The following P2RY8 variants were observed in gnomAD, a reference collection of about 807,000 sequenced individuals.
P2RY8 encodes the protein P2Y receptor family member 8.
Under a neutral mutation model 10.0 loss-of-function variants are expected in P2RY8, and 6 were observed. The observed-to-expected ratio is 0.60, with a 90% CI of 0.33 to 1.19. The LOEUF is 1.19. Among genes scored for constraint, P2RY8 ranks in the 50% most tolerant of loss-of-function variants. P2RY8 has a pLI of 0.04. For missense variants in P2RY8, 456 were observed against 542.0 expected (o/e 0.84, Z 1.58); for synonymous variants, 276 against 252.5 (o/e 1.09, Z -0.88).
At chrX:1,523,446 G>A (rs1298928889) in intron 1 of P2RY8, among the ~76,000 whole-genome samples, 1 of 152,106 alleles carries the variant, frequency 6.6e-6, no homozygotes, top group African/African-American at 2.4e-5. Flanking sequence ...GAATTTTTGA[G>A]GTTCATCCAT....
chrX:1,517,308 G>A (rs2092358786), intron 1 of P2RY8, among the ~76,000 whole-genome samples: 1 of 152,096 alleles, frequency 6.6e-6, no homozygotes, highest in African/African-American at 2.4e-5. Flanking sequence ...TACAAGCCCA[G>A]GAGAGAGGCC....
chrX:1,466,098 G>C lies in P2RY8; in HGVS notation c.461C>G (p.Ala154Gly). 1 of 1,611,648 alleles carries C rather than the reference G, an allele frequency of 6.2e-7. No homozygotes were observed. The highest frequency in any genetic ancestry group is 1.1e-5 in the South Asian group (1 of 90,982). ...ATCGGTGCGCGCCAGCGGGGACAGG[G>C]CGGTCAGGAGCAGCAGCCAGGTCCC... ...CAGTWLLLLT[A>G]LSPLARTDLT... Residue 154 changes from alanine (A) to glycine (G), a missense_variant, in exon 2 of 2, where the codon GCC (alanine) becomes GGC (glycine). Transcript: ENST00000381297.
intron 1 of P2RY8, among the ~76,000 whole-genome samples, chrX:1,504,042 A>C (rs1294009343): frequency 6.7e-6 from 1 of 149,368 alleles, no homozygotes; most frequent in African/African-American, 2.5e-5. Flanking sequence ...ATTCTGCTGG[A>C]CGTGGTGGCT....
At chrX:1,493,367 GAGGGA>G (rs2092076056) in intron 1 of P2RY8, among the ~76,000 whole-genome samples, 2 of 64,688 alleles carry the variant, frequency 3.1e-5, no homozygotes, top group Non-Finnish European at 6.3e-5. Context: ...AGGGGAGGGG[GAGGGA>G]GGAAGGAGGA....
chrX:1,493,542 C>T (rs1413505893), intron 1 of P2RY8, among the ~76,000 whole-genome samples: 1 of 151,986 alleles, frequency 6.6e-6, no homozygotes, highest in Non-Finnish European at 1.5e-5. Flanking sequence ...CTCACTCAGT[C>T]GACGTGAACT....
rs1166620584 is a variant in P2RY8, at chrX:1,503,868, C to CT, written c.-25+33052dup. ...TGAGATCATGCCACTGTACTCCAGCCTGGGTGAGACTTAGTCTCAAACAAA... is the reference window on the plus strand; with the variant it reads ...TGAGATCATGCCACTGTACTCCAGCCTTGGGTGAGACTTAGTCTCAAACAAA... On this transcript the variant is annotated intron_variant, in intron 1 of 1. Transcript: ENST00000381297. 7.3e-5 allele frequency among the ~76,000 whole-genome samples: 11 copies of CT among 151,684 alleles called. No homozygotes were observed. The East Asian group carries it at 2.1e-3, about 29-fold the overall frequency.
At position 1,514,707 on chromosome X, in the gene P2RY8, CCCTT is replaced by C. The variant is rs749710051; in HGVS notation, c.-25+22210_-25+22213del. On this transcript the variant is annotated intron_variant, in intron 1 of 1. Transcript: ENST00000381297. Reference sequence around the variant, plus strand: ...TTCCCTTCCCTTCCTTCCCTTCCTTCCCTTCCTTCCCTTCCCTTCCCTTCCTTCC... The same window carrying C: ...TTCCCTTCCCTTCCTTCCCTTCCTTCCCTTCCCTTCCCTTCCCTTCCTTCC... Among the ~76,000 whole-genome samples the C allele has an allele frequency of 0.01, 98 of 9,516 alleles. 34 individuals are homozygous for C. In the East Asian group the frequency reaches 0.38, roughly 37 times the overall value. The allele number at this position is 9,516 out of a possible 152,430, so 6.2% of individuals were successfully genotyped here.
intron 1 of P2RY8, among the ~76,000 whole-genome samples, chrX:1,533,018 A>C (rs1353631019): frequency 1.3e-5 from 2 of 150,282 alleles, no homozygotes; most frequent in Non-Finnish European, 3.0e-5. Flanking sequence ...AAAAAAAAAA[A>C]AAAAAAACGA....
At chrX:1,477,398 C>G (rs2091888257) in intron 1 of P2RY8, among the ~76,000 whole-genome samples, 2 of 142,974 alleles carry the variant, frequency 1.4e-5, no homozygotes, top group Non-Finnish European at 2.9e-5. Flanking sequence ...AATTACTTAT[C>G]TATCTAGCAA....
rs757813151 is a variant in P2RY8 at position 1,527,186 on chromosome X, C to T, written c.-25+9735G>A. ...CTGGGATTACAGGCGTGAGCCACCGCGCCCAGCCTATTCATTCATTTCTTA... is the reference window on the plus strand; with the variant it reads ...CTGGGATTACAGGCGTGAGCCACCGTGCCCAGCCTATTCATTCATTTCTTA... On this transcript the variant is annotated intron_variant, in intron 1 of 1. Transcript: ENST00000381297. Among the ~76,000 whole-genome samples the T allele has an allele frequency of 1.1e-4, 17 of 152,280 alleles. No individual in the cohort carries two copies. In the East Asian group the frequency reaches 1.5e-3, roughly 14 times the overall value.
intron 1 of P2RY8, among the ~76,000 whole-genome samples, chrX:1,489,427 AG>A (rs1372833265): frequency 1.2e-4 from 19 of 152,170 alleles, no homozygotes; most frequent in Non-Finnish European, 1.5e-4. Flanking sequence ...CCGTAAATGT[AG>A]AGAGAATGAA....
intron 1 of P2RY8, among the ~76,000 whole-genome samples, chrX:1,503,507 T>C (rs1186846684): frequency 6.6e-6 from 1 of 152,180 alleles, no homozygotes; most frequent in Non-Finnish European, 1.5e-5. Context: ...ACACCTGTCA[T>C]CCCAGCACTT....
chrX:1,532,171 T>C (rs1168436316), intron 1 of P2RY8, among the ~76,000 whole-genome samples: 3 of 151,910 alleles, frequency 2.0e-5, no homozygotes, highest in Non-Finnish European at 4.4e-5. Flanking sequence ...CAATTTGCAA[T>C]TGCAAAAATG....
intron 1 of P2RY8, among the ~76,000 whole-genome samples, chrX:1,530,190 A>C (rs1364114986): frequency 1.3e-5 from 2 of 148,544 alleles, no homozygotes; most frequent in Non-Finnish European, 3.0e-5. Context: ...CTATCTATCT[A>C]TCTATCTATC....
At chrX:1,484,724 T>TAAAAAAAAAAAAAAAAAAAAAAA (rs1171758279) in intron 1 of P2RY8, among the ~76,000 whole-genome samples, 1 of 16,790 alleles carries the variant, frequency 6.0e-5, no homozygotes, top group Non-Finnish European at 1.1e-4. Context: ...CAAAACCCTG[T>TAAAAAAAAAAAAAAAAAAAAAAA]AAAAAAAAAA....
Position 1,466,146 on chromosome X carries a change from C to G in P2RY8, c.413G>C (p.Arg138Pro). Residue 138 changes from arginine to proline, a missense_variant, in exon 2 of 2, where the codon CGT becomes CCT. Arg to Pro is a moderately radical substitution (Grantham distance 103). Coordinates refer to ENST00000381297, the MANE Select transcript of P2RY8 (RefSeq NM_178129.5). ...PLSSKRWRRR[R>P]YAVAACAGTW... ...CCCTGCACACGCGGCCACCGCGTAACGACGGCGGCGCCAGCGCTTGGAGCT... is the reference window on the plus strand; with the variant it reads ...CCCTGCACACGCGGCCACCGCGTAAGGACGGCGGCGCCAGCGCTTGGAGCT... 6 of 1,611,840 alleles carry G rather than the reference C, an allele frequency of 3.7e-6. No individual in the cohort carries two copies. The highest frequency in any genetic ancestry group is 5.1e-6 in the Non-Finnish European group (6 of 1,179,252).
At chrX:1,508,437 C>T (rs1367478489) in intron 1 of P2RY8, among the ~76,000 whole-genome samples, 4 of 152,108 alleles carry the variant, frequency 2.6e-5, no homozygotes, top group South Asian at 2.1e-4. Flanking sequence ...GTCATCCAGC[C>T]CCAAAATGTC....
chrX:1,465,371 C>T lies in P2RY8; in HGVS notation c.*108G>A. ...CTTCCCCACCGGGCCTCTGCAGTGC[C>T]TGGGAGCAACGCAGCTGTTCTCCCT... is the stretch of plus-strand genomic sequence containing the variant. On this transcript the variant is annotated 3_prime_UTR_variant, in exon 2 of 2. Coordinates refer to ENST00000381297, the MANE Select transcript of P2RY8 (RefSeq NM_178129.5). The T allele has an allele frequency of 2.0e-6, 3 of 1,494,244 alleles. No homozygotes were observed. Among genetic ancestry groups the T allele is most frequent in the Non-Finnish European group, 2.7e-6 (3 of 1,127,910 alleles). 92.6% of individuals were successfully genotyped at this position (1,494,244 alleles called of 1,614,324 possible). A position where few individuals can be genotyped will look rare whatever the true frequency, so the allele number is the denominator to read the frequency against.
At chrX:1,483,532 G>T (rs2091958021) in intron 1 of P2RY8, among the ~76,000 whole-genome samples, 1 of 152,136 alleles carries the variant, frequency 6.6e-6, no homozygotes, top group South Asian at 2.1e-4. Context: ...TACTCAGGAG[G>T]CTGAGGCAGG....
Sources: gnomAD v4.1 joint callset for allele counts (sites outside exome capture counted in the v4.1 genomes callset) on GRCh38, gnomAD v4.1.1 for gene constraint, MANE v1.5 for transcripts, NCBI Gene and HGNC (gene_info 2026-07-23, HGNC 2026-07-21) for gene names.